Variants in AFG2A observed in about 807,000 individuals in gnomAD.
The protein encoded by AFG2A is ATPase family gene 2 protein homolog A.
chr4:123,233,033 A>G, the AFG2A span, among the ~76,000 whole-genome samples: 6 of 152,014 alleles, frequency 3.9e-5, no homozygotes, highest in Non-Finnish European at 8.8e-5. Flanking sequence ...AATAAAATCT[A>G]TTCCTTGACT....
chr4:122,927,615 A>G, the AFG2A span: 42 of 1,590,724 alleles, frequency 2.6e-5, no homozygotes, highest in African/African-American at 5.3e-4. Flanking sequence ...TACAAAAATA[A>G]TTTTCTTTTC....
chr4:123,227,168 G>T, the AFG2A span, among the ~76,000 whole-genome samples: 1 of 152,110 alleles, frequency 6.6e-6, no homozygotes, highest in Non-Finnish European at 1.5e-5. Context: ...CCAGCTCCTG[G>T]ATTCATTGAT....
chr4:122,931,779 G>A, the AFG2A span, among the ~76,000 whole-genome samples: 1 of 152,162 alleles, frequency 6.6e-6, no homozygotes, highest in African/African-American at 2.4e-5. Context: ...ACAAGGCAGA[G>A]TGTCACCTCA....
chr4:123,255,300 C>T, the AFG2A span, among the ~76,000 whole-genome samples: 1 of 151,688 alleles, frequency 6.6e-6, no homozygotes, highest in East Asian at 2.0e-4. Context: ...GCAGGCAGAT[C>T]GAACGCCTGA....
chr4:123,098,882 A>G, the AFG2A span, among the ~76,000 whole-genome samples: 6 of 151,980 alleles, frequency 3.9e-5, no homozygotes, highest in Non-Finnish European at 7.4e-5. Flanking sequence ...TATATACTCA[A>G]TAGTGGAATT....
At chr4:123,078,278 G>A in the AFG2A span, among the ~76,000 whole-genome samples, 2 of 152,124 alleles carry the variant, frequency 1.3e-5, no homozygotes, top group Non-Finnish European at 2.9e-5. Context: ...TGTTTTGACT[G>A]TTGGAAGGCA....
the AFG2A span, among the ~76,000 whole-genome samples, chr4:123,293,871 C>T: frequency 1.3e-5 from 2 of 152,238 alleles, no homozygotes; most frequent in Admixed American, 6.5e-5. Flanking sequence ...GGGGGTTTGA[C>T]CTCTGCCAGC....
chr4:123,178,663 A>G, the AFG2A span, among the ~76,000 whole-genome samples: 4 of 152,192 alleles, frequency 2.6e-5, no homozygotes, highest in Non-Finnish European at 5.9e-5. Context: ...TGTTTGTTCT[A>G]TGTAGATAGG....
chr4:123,179,044 A>G, the AFG2A span, among the ~76,000 whole-genome samples: 1 of 152,214 alleles, frequency 6.6e-6, no homozygotes, highest in Non-Finnish European at 1.5e-5. Context: ...TTCCATTCCT[A>G]GATATATCAT....
chr4:123,231,585 A>G, the AFG2A span, among the ~76,000 whole-genome samples: 7 of 152,076 alleles, frequency 4.6e-5, no homozygotes, highest in South Asian at 1.2e-3. Flanking sequence ...GAGTAGCACA[A>G]TTCCCTTCAA....
the AFG2A span, among the ~76,000 whole-genome samples, chr4:123,266,919 C>T: frequency 1.3e-5 from 2 of 151,940 alleles, no homozygotes; most frequent in African/African-American, 4.8e-5. Context: ...AGGAAATAAG[C>T]ATACCTCATT....
At chr4:123,112,428 T>G in the AFG2A span, among the ~76,000 whole-genome samples, 2 of 152,232 alleles carry the variant, frequency 1.3e-5, no homozygotes, top group African/African-American at 2.4e-5. Flanking sequence ...TCTGTGACAT[T>G]AGCATTCTCT....
At chr4:123,148,155 A>G in the AFG2A span, among the ~76,000 whole-genome samples, 1 of 152,314 alleles carries the variant, frequency 6.6e-6, no homozygotes, top group African/African-American at 2.4e-5. Flanking sequence ...AAATCTCAAT[A>G]TTTACAAAAC....
the AFG2A span, among the ~76,000 whole-genome samples, chr4:122,933,059 G>A: frequency 6.6e-6 from 1 of 152,214 alleles, no homozygotes; most frequent in East Asian, 1.9e-4. Flanking sequence ...TCATATGTGT[G>A]CATGTGTGTA....
the AFG2A span, among the ~76,000 whole-genome samples, chr4:123,159,300 T>G: frequency 1.3e-5 from 2 of 152,212 alleles, no homozygotes; most frequent in Admixed American, 6.6e-5. Flanking sequence ...GCTCTGAAAG[T>G]CATATTTCTC....
At chr4:122,953,907 G>A in the AFG2A span, among the ~76,000 whole-genome samples, 1 of 152,196 alleles carries the variant, frequency 6.6e-6, no homozygotes, top group Admixed American at 6.5e-5. Flanking sequence ...GGGGGCTCTG[G>A]GTAGACACTA....
At chr4:123,049,233 CT>C in the AFG2A span, among the ~76,000 whole-genome samples, 1 of 151,986 alleles carries the variant, frequency 6.6e-6, no homozygotes, top group Non-Finnish European at 1.5e-5. Context: ...GGTGAATGAT[CT>C]TTTTAATGTA....
At chr4:123,059,868 TCATTGTGG>T in the AFG2A span, among the ~76,000 whole-genome samples, 1 of 152,176 alleles carries the variant, frequency 6.6e-6, no homozygotes, top group African/African-American at 2.4e-5. Flanking sequence ...AGATGGTATT[TCATTGTGG>T]TTTTGATTTG....
the AFG2A span, among the ~76,000 whole-genome samples, chr4:123,247,457 C>G: frequency 2.5e-3 from 388 of 152,190 alleles, no homozygotes; most frequent in Non-Finnish European, 4.2e-3. Context: ...CAGGGTCTCA[C>G]CCTGTCACTT....
Sources: gnomAD v4.1 joint callset for allele counts (sites outside exome capture counted in the v4.1 genomes callset) on GRCh38, gnomAD v4.1.1 for gene constraint, MANE v1.5 for transcripts, NCBI Gene and HGNC (gene_info 2026-07-23, HGNC 2026-07-21) for gene names.